LRRTM4: variants seen among roughly 807,000 people sequenced by gnomAD.
LRRTM4 encodes the protein leucine-rich repeat transmembrane neuronal protein 4.
In LRRTM4, 25 loss-of-function variants were observed where a neutral mutation model predicts 47.6. The observed-to-expected ratio is 0.53, with a 90% CI of 0.38 to 0.73. The LOEUF is 0.73. Ranked by LOEUF, LRRTM4 falls within the 30% of genes least tolerant of loss-of-function variation. The pLI, the probability that LRRTM4 is intolerant of heterozygous loss-of-function variation, is 0.00. For synonymous variants in LRRTM4, 311 were observed against 269.5 expected (o/e 1.15, Z -1.51); for missense variants, 638 against 713.4 (o/e 0.89, Z 1.20).
In LRRTM4 at chr2:77,249,435, G is replaced by A. The variant is rs145198713; in HGVS notation, c.1551+268883C>T. Among the ~76,000 whole-genome samples, 855 of 151,808 alleles carry A rather than the reference G, an allele frequency of 5.6e-3. 11 individuals carry two copies. Among genetic ancestry groups the A allele is most frequent in the African/African-American group, 0.02 (815 of 41,386 alleles). On this transcript the variant is annotated intron_variant, in intron 3 of 3. Coordinates refer to ENST00000409884, the MANE Select transcript of LRRTM4 (RefSeq NM_001134745.3). Reference sequence around the variant, plus strand: ...AGTATGAAATGAGAAGCCACAAACCGTAGGAAAATATTTGCAAAAGACATA... The same window carrying A: ...AGTATGAAATGAGAAGCCACAAACCATAGGAAAATATTTGCAAAAGACATA...
chr2:76,856,834 T>C (rs557585820), intron 3 of LRRTM4, among the ~76,000 whole-genome samples: 3 of 152,280 alleles, frequency 2.0e-5, no homozygotes, highest in African/African-American at 7.2e-5. Flanking sequence ...ATTTTGAATA[T>C]TGGTAATATT....
intron 3 of LRRTM4, among the ~76,000 whole-genome samples, chr2:76,938,298 G>A (rs1163503633): frequency 6.6e-6 from 1 of 152,072 alleles, no homozygotes; most frequent in Non-Finnish European, 1.5e-5. Context: ...GCAAACTGAA[G>A]CATCTGGCTA....
chr2:77,045,512 T>C (rs990283127), intron 3 of LRRTM4, among the ~76,000 whole-genome samples: 4 of 151,932 alleles, frequency 2.6e-5, no homozygotes, highest in Admixed American at 6.6e-5. Context: ...AATCTCATCT[T>C]GAATTCTCAT....
chr2:77,225,827 T>G (rs1435142634), intron 3 of LRRTM4, among the ~76,000 whole-genome samples: 1 of 151,996 alleles, frequency 6.6e-6, no homozygotes, highest in Non-Finnish European at 1.5e-5. Flanking sequence ...TACTTTTACA[T>G]AAAGTAGCAC....
chr2:77,114,290 T>C (rs1242178072), intron 3 of LRRTM4, among the ~76,000 whole-genome samples: 1 of 152,158 alleles, frequency 6.6e-6, no homozygotes, highest in African/African-American at 2.4e-5. Flanking sequence ...TTAAGGTTCC[T>C]TTTTCAGGAA....
At chr2:76,945,369 A>G (rs1421611029) in intron 3 of LRRTM4, among the ~76,000 whole-genome samples, 3 of 151,964 alleles carry the variant, frequency 2.0e-5, no homozygotes, top group African/African-American at 7.2e-5. Flanking sequence ...AAATGCCACC[A>G]CCATAAAATG....
intron 3 of LRRTM4, among the ~76,000 whole-genome samples, chr2:76,938,935 T>C (rs900097075): frequency 1.1e-4 from 16 of 152,126 alleles, no homozygotes; most frequent in African/African-American, 3.9e-4. Context: ...TCAAACATTA[T>C]AGGTTTGTGA....
intron 3 of LRRTM4, among the ~76,000 whole-genome samples, chr2:76,839,026 A>T (rs979748599): frequency 1.3e-5 from 2 of 152,164 alleles, no homozygotes; most frequent in African/African-American, 4.8e-5. Flanking sequence ...GGGTACCATT[A>T]TAGGAGCCAG....
intron 3 of LRRTM4, among the ~76,000 whole-genome samples, chr2:76,884,271 A>C (rs1558712683): frequency 1.3e-5 from 2 of 152,316 alleles, no homozygotes; most frequent in East Asian, 3.9e-4. Flanking sequence ...AAAGAGTCTA[A>C]ATGAAGTGAA....
chr2:77,082,811 TAAA>T (rs1187438845), intron 3 of LRRTM4, among the ~76,000 whole-genome samples: 1 of 152,030 alleles, frequency 6.6e-6, no homozygotes, highest in African/African-American at 2.4e-5. Context: ...TTTGCTCTTT[TAAA>T]AAAAGACACA....
chr2:77,499,576 G>A (rs943664917), intron 3 of LRRTM4, among the ~76,000 whole-genome samples: 7 of 151,874 alleles, frequency 4.6e-5, no homozygotes, highest in African/African-American at 1.4e-4. Flanking sequence ...AAACTGAAAT[G>A]AACAACATGT....
rs548727582 is a variant in LRRTM4 at position 76,898,686 on chromosome 2, C to T, written c.1552-149770G>A. 2.0e-5 allele frequency among the ~76,000 whole-genome samples: 3 copies of T among 151,032 alleles called. No homozygotes were observed. In the East Asian group the frequency reaches 5.8e-4, roughly 29 times the overall value. The stretch of plus-strand genomic sequence containing the variant: ...TCACAGCCATATAGAGTTTCCTGAG[C>T]ATCTGGACGTATTAAATTTTATGGA... On this transcript the variant is annotated intron_variant, in intron 3 of 3. Transcript: ENST00000409884.
intron 3 of LRRTM4, among the ~76,000 whole-genome samples, chr2:76,942,674 ATCTGTG>A (rs982754931): frequency 1.2e-4 from 15 of 123,246 alleles, no homozygotes; most frequent in African/African-American, 3.5e-4. Flanking sequence ...ACCTCTAGGA[ATCTGTG>A]TGTGTGTGTG....
intron 3 of LRRTM4, among the ~76,000 whole-genome samples, chr2:76,752,484 A>G (rs555813623): frequency 6.6e-5 from 10 of 152,274 alleles, no homozygotes; most frequent in South Asian, 6.2e-4. Context: ...CATTTTCTCT[A>G]TTGTAATTGA....
At chr2:77,078,380 CCACACACACACA>C (rs59703273) in intron 3 of LRRTM4, among the ~76,000 whole-genome samples, 2,351 of 139,344 alleles carry the variant, frequency 0.017, 52 homozygotes, top group African/African-American at 0.057. Context: ...ACACACACAC[CCACACACACACA>C]CACACACACA....
intron 3 of LRRTM4, among the ~76,000 whole-genome samples, chr2:77,347,262 G>A (rs1277829102): frequency 6.6e-6 from 1 of 152,068 alleles, no homozygotes; most frequent in African/African-American, 2.4e-5. Flanking sequence ...TCAATCCTAG[G>A]GGTTTTCAAT....
chr2:77,213,794 C>G (rs193108963), intron 3 of LRRTM4, among the ~76,000 whole-genome samples: 2 of 152,000 alleles, frequency 1.3e-5, no homozygotes, highest in Non-Finnish European at 2.9e-5. Flanking sequence ...GACTTGGCAG[C>G]CTTGGGACGG....
intron 3 of LRRTM4, among the ~76,000 whole-genome samples, chr2:77,258,109 AAAAGAAAAAAAG>A (rs1675819896): frequency 7.0e-6 from 1 of 142,498 alleles, no homozygotes; most frequent in African/African-American, 3.1e-5. Flanking sequence ...AAATAAAAAG[AAAAGAAAAAAAG>A]AAAAAAAAAA....
chr2:76,919,677 G>A lies in LRRTM4; in HGVS notation c.1552-170761C>T, dbSNP rs539089088. Among the ~76,000 whole-genome samples, 225 of 152,178 alleles carry A rather than the reference G, an allele frequency of 1.5e-3. 2 individuals carry two copies. Among genetic ancestry groups the A allele is most frequent in the Non-Finnish European group, 2.7e-3 (183 of 67,990 alleles). ...ACCAACTTCCCGTGAATGGCTTTAC[G>A]TGAAATATATTAATAAATTCTATTT... On this transcript the variant is annotated intron_variant, in intron 3 of 3. Coordinates refer to ENST00000409884, the MANE Select transcript of LRRTM4 (RefSeq NM_001134745.3).
Sources: gnomAD v4.1 joint callset for allele counts (sites outside exome capture counted in the v4.1 genomes callset) on GRCh38, gnomAD v4.1.1 for gene constraint, MANE v1.5 for transcripts, NCBI Gene and HGNC (gene_info 2026-07-23, HGNC 2026-07-21) for gene names.